CFAP65: variants seen among roughly 807,000 people sequenced by gnomAD.
CFAP65 encodes the protein cilia and flagella associated protein 65.
Under a neutral mutation model 208.0 loss-of-function variants are expected in CFAP65, and 155 were observed. The ratio of observed to expected loss-of-function variants is 0.75; its 90% CI spans 0.65 to 0.85. CFAP65 has a LOEUF of 0.85. CFAP65 is among the 40% of genes least tolerant of loss of function. The pLI, the probability that CFAP65 is intolerant of heterozygous loss-of-function variation, is 0.00. For missense variants in CFAP65, 2,294 were observed against 2,451.3 expected (o/e 0.94, Z 1.36); for synonymous variants, 970 against 986.3 (o/e 0.98, Z 0.31).
rs1183117967 is a variant in CFAP65 at position 219,021,938 on chromosome 2, C to T, written c.2980-8G>A. On this transcript the variant is annotated splice_polypyrimidine_tract_variant and splice_region_variant and intron_variant, in intron 17 of 34. Transcript: ENST00000341552. ...CAGCTCCTTTTCCTTTGCCTGGAGG[C>T]CACAGTCAGCCAGCCGGGAGTGGGA... The T allele has an allele frequency of 6.2e-7, 1 of 1,612,798 alleles. No individual in the cohort carries two copies. Among genetic ancestry groups the T allele is most frequent in the Admixed American group, 1.7e-5 (1 of 60,008 alleles).
intron 21 of CFAP65, chr2:219,015,097 AGCGTGCAACACACACCTGAGGAGAAT>A (rs1298754877): frequency 1.3e-5 from 2 of 152,152 alleles, no homozygotes; most frequent in African/African-American, 4.9e-5. Context: ...CCTGAGAGGA[AGCGTGCAACACACACCTGAGGAGAAT>A]GCACGCAACA....
chr2:219,023,731 A>G (rs1414735396), intron 15 of CFAP65, among the ~76,000 whole-genome samples: 1 of 152,208 alleles, frequency 6.6e-6, no homozygotes, highest in Non-Finnish European at 1.5e-5. Context: ...ATATCCCTCT[A>G]CCACCTGCAG....
intron 14 of CFAP65, among the ~76,000 whole-genome samples, chr2:219,024,551 T>C (rs1947505709): frequency 6.6e-6 from 1 of 150,440 alleles, no homozygotes; most frequent in South Asian, 2.1e-4. Context: ...AAGGATAAAG[T>C]AGAAGTTGTT....
intron 12 of CFAP65, 66 bp downstream of exon 12, chr2:219,028,135 C>G: frequency 6.3e-7 from 1 of 1,583,832 alleles, no homozygotes; most frequent in Non-Finnish European, 8.6e-7. Flanking sequence ...CCCATGGGAC[C>G]CTGGGGGCAT....
Position 219,031,749 on chromosome 2 carries a change from C to T in CFAP65, c.646-91G>A, listed in dbSNP as rs995758536. On this transcript the variant is annotated intron_variant, in intron 6 of 34. Transcript: ENST00000341552. This position sits in a 1 kb window ranked among gnomAD's most constrained non-coding sequence, Gnocchi z 5.2. ...CACCCTCAGCCACCCCCAACACAACCGCTGAGGGGAGGGCCAGGCCGTGGC... is the reference window on the plus strand; with the variant it reads ...CACCCTCAGCCACCCCCAACACAACTGCTGAGGGGAGGGCCAGGCCGTGGC... 1.3e-5 allele frequency: 19 copies of T among 1,473,250 alleles called. No individual in the cohort carries two copies. Among genetic ancestry groups the T allele is most frequent in the South Asian group, 9.4e-5 (7 of 74,862 alleles). 91.3% of individuals were successfully genotyped at this position (1,473,250 alleles called of 1,614,324 possible).
At chr2:219,014,279 A>T (rs1371271588) in intron 21 of CFAP65, 1 of 389,010 alleles carries the variant, frequency 2.6e-6, no homozygotes, top group Non-Finnish European at 4.6e-6. Flanking sequence ...CAAGAAGTGA[A>T]GAGTGGGGCT....
intron 13 of CFAP65, chr2:219,026,926 A>G (rs1947669469): frequency 1.0e-6 from 1 of 986,272 alleles, no homozygotes; most frequent in Non-Finnish European, 1.2e-6. Flanking sequence ...TCCTCAAAAG[A>G]TCGGACGTGG....
intron 14 of CFAP65, among the ~76,000 whole-genome samples, chr2:219,025,455 C>T (rs1329060491): frequency 7.9e-5 from 12 of 152,152 alleles, no homozygotes; most frequent in Admixed American, 7.9e-4. Flanking sequence ...GAGGAGACAT[C>T]AAAGGTGAAA....
At chr2:219,026,442 C>G (rs1947637679) in intron 13 of CFAP65, 1 of 308,248 alleles carries the variant, frequency 3.2e-6, no homozygotes, top group African/African-American at 2.1e-5. Flanking sequence ...AAGAATGAGC[C>G]TAGAGAAGCG....
chr2:219,019,284 G>A (rs1007207185), intron 20 of CFAP65, 105 bp from the exon 21 acceptor site: 2 of 1,410,160 alleles, frequency 1.4e-6, no homozygotes, highest in Non-Finnish European at 1.9e-6. Flanking sequence ...GTGGGAACTG[G>A]AGAATCTGGG....
In CFAP65 at chr2:219,013,530, G is replaced by C. The variant is rs375964126; in HGVS notation, c.3835C>G (p.Arg1279Gly). ...LPVLFKVSHGREILLNFIGVT... is the reference protein window; with the variant it reads ...LPVLFKVSHGGEILLNFIGVT... The stretch of plus-strand genomic sequence containing the variant: ...TGCTGGGGCCTCACCAGGATCTCCC[G>C]GCCATGGGACACCTTGAAGAGCACT... Residue 1279 changes from arginine to glycine, a missense_variant, in exon 23 of 35, where the codon CGG becomes GGG. Around this residue, in one of 2 missense-constraint regions of CFAP65, gnomAD observed 1,427 missense variants for 1,438.7 expected, o/e 0.99. Transcript: ENST00000341552. 1.3e-6 allele frequency: 2 copies of C among 1,599,682 alleles called. No homozygotes were observed. The highest frequency in any genetic ancestry group is 1.3e-5 in the African/African-American group (1 of 74,980).
chr2:219,013,654 A>G, intron 22 of CFAP65, 69 bp from the exon 23 acceptor site: 2 of 1,434,354 alleles, frequency 1.4e-6, no homozygotes, highest in Non-Finnish European at 1.9e-6. Context: ...GCAAATGGAC[A>G]TGACATTTCT....
intron 20 of CFAP65, 87 bp from the exon 21 acceptor site, chr2:219,019,266 C>T: frequency 6.8e-7 from 1 of 1,477,656 alleles, no homozygotes; most frequent in South Asian, 1.3e-5. Flanking sequence ...GCACTCCCCT[C>T]CCTCCAAGTG....
At chr2:219,029,696 T>TC (rs758827174) in intron 10 of CFAP65, 28 bp from the exon 11 acceptor site, 1 of 1,602,870 alleles carries the variant, frequency 6.2e-7, no homozygotes, top group Non-Finnish European at 8.5e-7. Flanking sequence ...GGTATCAGCT[T>TC]CCCCAAGGAT....
chr2:219,041,231 T>C (rs1480690209), intron 1 of CFAP65, among the ~76,000 whole-genome samples: 21 of 152,194 alleles, frequency 1.4e-4, no homozygotes, highest in Admixed American at 1.4e-3. Flanking sequence ...GGTCGTCGTA[T>C]AGAGTCGAGG....
rs1383906919 is a variant in CFAP65, at chr2:219,023,451, G to T, written c.2596-20C>A. On this transcript the variant is annotated intron_variant, in intron 15 of 34. Transcript: ENST00000341552. Reference sequence around the variant, plus strand: ...CACCTCCTGGAGCCAGAGGAAGAAGGGCAGTGCCCTGACCTCACTCTGCAG... The same window carrying T: ...CACCTCCTGGAGCCAGAGGAAGAAGTGCAGTGCCCTGACCTCACTCTGCAG... The T allele has an allele frequency of 1.3e-6, 2 of 1,529,186 alleles. No individual in the cohort carries two copies. The highest frequency in any genetic ancestry group is 2.0e-5 in the Admixed American group (1 of 50,328). The allele number at this position is 1,529,186 out of a possible 1,614,324, so 94.7% of individuals were successfully genotyped here. A position where few individuals can be genotyped will look rare whatever the true frequency, so the allele number is the denominator to read the frequency against.
At position 219,009,375 on chromosome 2, in the gene CFAP65, C is replaced by G. The variant is rs988254622; in HGVS notation, c.4538G>C (p.Ser1513Thr). The change falls in exon 28 of 35, where the codon AGC (serine) becomes ACC (threonine). Residue 1513 changes from serine (S) to threonine (T), a missense_variant. By Grantham distance (58) the Ser-to-Thr change is moderately conservative. Coordinates refer to ENST00000341552, the MANE Select transcript of CFAP65 (RefSeq NM_194302.4). The stretch of plus-strand genomic sequence containing the variant: ...GCATACCAGGTCTGCACTGTAGAAG[C>G]TGGCATGCACAGAGGCCCTCAAGGT... ...VVTLRASVHA[S>T]FYSADLVCKL... The G allele has an allele frequency of 9.3e-6, 15 of 1,612,540 alleles. No homozygotes were observed. The African/African-American group carries it at 1.2e-4, about 13-fold the overall frequency.
rs751971073 is a variant in CFAP65 at position 219,027,671 on chromosome 2, G to A, written c.2190C>T (p.Leu730=). ...PHPNCLYTVE[L]EAFAIYKVLQ... ...ACACCTTATAGATGGCGAAGGCTTCGAGCTCCACCGTGTAAAGGCAGTTGG... is the reference window on the plus strand; with the variant it reads ...ACACCTTATAGATGGCGAAGGCTTCAAGCTCCACCGTGTAAAGGCAGTTGG... The change falls in exon 13 of 35, where the codon CTC becomes CTT. Residue 730 remains leucine (L), a synonymous_variant. Coordinates refer to ENST00000341552, the MANE Select transcript of CFAP65 (RefSeq NM_194302.4). The A allele has an allele frequency of 4.5e-5, 73 of 1,613,812 alleles. No homozygotes were observed. The highest frequency in any genetic ancestry group is 8.8e-5 in the South Asian group (8 of 91,080).
At chr2:219,040,024 A>G (rs1948576924) in intron 2 of CFAP65, among the ~76,000 whole-genome samples, 1 of 138,410 alleles carries the variant, frequency 7.2e-6, no homozygotes, top group Non-Finnish European at 1.5e-5. Flanking sequence ...TTATTTATTT[A>G]TTTATTTATT....
Sources: allele counts gnomAD v4.1 joint callset (sites outside exome capture counted in the v4.1 genomes callset), GRCh38; gene constraint gnomAD v4.1.1; regional missense constraint gnomAD v4.1.1; non-coding constraint Gnocchi (gnomAD v3.1); transcripts MANE v1.5; gene names NCBI Gene and HGNC (gene_info 2026-07-23, HGNC 2026-07-21).